Variants in PCDHA11 observed in about 807,000 individuals in gnomAD.
PCDHA11 encodes the protein protocadherin alpha-11.
PCDHA11 carries 61 observed loss-of-function variants against 70.3 expected under a neutral mutation model. The ratio of observed to expected loss-of-function variants is 0.87; its 90% CI spans 0.71 to 1.07. The LOEUF (loss-of-function observed/expected upper bound fraction) is 1.07, where lower values mean the gene tolerates loss of function less well. Ranked by LOEUF, PCDHA11 falls within the 50% of genes least tolerant of loss-of-function variation. The pLI, the probability that PCDHA11 is intolerant of heterozygous loss-of-function variation, is 0.00. For synonymous variants in PCDHA11, 633 were observed against 555.1 expected, an observed-to-expected ratio of 1.14 and a Z score of -1.97; for missense variants, 1,324 against 1,237.5, an observed-to-expected ratio of 1.07 and a Z score of -1.05.
chr5:140,876,834 G>C (rs1481867678), intron 1 of PCDHA11: 2 of 1,614,042 alleles, frequency 1.2e-6, no homozygotes, highest in Non-Finnish European at 1.7e-6. Context: ...ATGCGCCTGC[G>C]TTCGCGCAGC....
At chr5:140,993,031 C>T (rs186292405) in intron 3 of PCDHA11, among the ~76,000 whole-genome samples, 19 of 152,274 alleles carry the variant, frequency 1.2e-4, no homozygotes, top group Non-Finnish European at 1.8e-4. Context: ...CTGTGGGCTC[C>T]GTGTGTCATC....
At position 140,870,848 on chromosome 5, in the gene PCDHA11, G is replaced by C. The variant is rs368769297; in HGVS notation, c.1745G>C (p.Arg582Pro). The C allele has an allele frequency of 2.2e-5, 35 of 1,613,876 alleles. No homozygotes were observed. In the African/African-American group the frequency reaches 3.3e-4, roughly 15 times the overall value. ...GGCGCAGTTAACAAGCTAGTACCGCGGTCGGTGGGTGCGGGCCACGTGGTG... is the reference window on the plus strand; with the variant it reads ...GGCGCAGTTAACAAGCTAGTACCGCCGTCGGTGGGTGCGGGCCACGTGGTG... ...AGGAVNKLVP[R>P]SVGAGHVVAK... The change falls in exon 1 of 4, where the codon CGG becomes CCG. Residue 582 changes from arginine to proline, a missense_variant. By Grantham distance (103) the Arg-to-Pro change is moderately radical. Transcript: ENST00000398640.
At chr5:140,943,479 TAATA>T (rs1447671932) in intron 1 of PCDHA11, among the ~76,000 whole-genome samples, 1 of 151,960 alleles carries the variant, frequency 6.6e-6, no homozygotes, top group African/African-American at 2.4e-5. Context: ...TACAGTAAAA[TAATA>T]AATAGATGCT....
At chr5:140,885,798 T>C (rs1269362409) in intron 1 of PCDHA11, among the ~76,000 whole-genome samples, 1 of 152,186 alleles carries the variant, frequency 6.6e-6, no homozygotes, top group East Asian at 1.9e-4. Context: ...TTGTCATATG[T>C]ATTTTGTTGA....
chr5:141,010,293 G>T lies in PCDHA11; in HGVS notation c.*356G>T. 6.5e-7 allele frequency: 1 copy of T among 1,549,794 alleles called. No homozygotes were observed. Among genetic ancestry groups the T allele is most frequent in the Non-Finnish European group, 8.7e-7 (1 of 1,146,454 alleles). On this transcript the variant is annotated 3_prime_UTR_variant, in exon 4 of 4. Coordinates refer to ENST00000398640, the MANE Select transcript of PCDHA11 (RefSeq NM_018902.5). ...ATCCTGTCTTGATGACACTTGCAGG[G>T]CAGGCTGAAAAGTTTTGAGATTGAG...
chr5:140,941,548 C>CTCG (rs1175641247), intron 1 of PCDHA11, among the ~76,000 whole-genome samples: 1 of 151,868 alleles, frequency 6.6e-6, no homozygotes, highest in Non-Finnish European at 1.5e-5. Context: ...AACTCCTGAC[C>CTCG]TCGTGATCCA....
chr5:140,998,569 GTT>G (rs71574497), intron 3 of PCDHA11, among the ~76,000 whole-genome samples: 14 of 149,410 alleles, frequency 9.4e-5, no homozygotes, highest in Admixed American at 6.7e-4. Flanking sequence ...TTGTAAATAA[GTT>G]TTTTTTTTTT....
chr5:140,943,493 T>C (rs2093505211), intron 1 of PCDHA11, among the ~76,000 whole-genome samples: 1 of 152,118 alleles, frequency 6.6e-6, no homozygotes, highest in Non-Finnish European at 1.5e-5. Context: ...AAATAGATGC[T>C]ATCAAGGTTC....
At chr5:140,886,852 G>T (rs1554182787) in intron 1 of PCDHA11, among the ~76,000 whole-genome samples, 1 of 146,470 alleles carries the variant, frequency 6.8e-6, no homozygotes, top group Non-Finnish European at 1.5e-5. Flanking sequence ...AAAAAAGAAA[G>T]GTCTTCCCAA....
At chr5:140,885,917 T>G (rs2060772831) in intron 1 of PCDHA11, among the ~76,000 whole-genome samples, 1 of 152,212 alleles carries the variant, frequency 6.6e-6, no homozygotes, top group Non-Finnish European at 1.5e-5. Flanking sequence ...TTATAGATAT[T>G]AACTGTTTAT....
chr5:140,896,465 C>A (rs967658819), intron 1 of PCDHA11, among the ~76,000 whole-genome samples: 2 of 151,988 alleles, frequency 1.3e-5, no homozygotes, highest in Non-Finnish European at 2.9e-5. Flanking sequence ...TGGGTTCAAG[C>A]GGTTCTCCTG....
chr5:140,921,732 A>G lies in PCDHA11; in HGVS notation c.2391+50238A>G, dbSNP rs1345229893. 2.0e-5 allele frequency among the ~76,000 whole-genome samples: 3 copies of G among 152,206 alleles called. No individual in the cohort carries two copies. In the East Asian group the frequency reaches 5.8e-4, roughly 29 times the overall value. ...AAACACACGAATTACTCCCATAAAA[A>G]TTATAAGCATAACAGGACACTTCTT... is the stretch of plus-strand genomic sequence containing the variant. On this transcript the variant is annotated intron_variant, in intron 1 of 3. Coordinates refer to ENST00000398640, the MANE Select transcript of PCDHA11 (RefSeq NM_018902.5).
chr5:140,884,116 C>T (rs1554181240), intron 1 of PCDHA11: 2 of 1,613,304 alleles, frequency 1.2e-6, no homozygotes, highest in South Asian at 2.2e-5. Context: ...TGGCGGCGGT[C>T]GGCGCGCGCA....
chr5:140,882,071 A>T (rs2058936449), intron 1 of PCDHA11: 4 of 864,074 alleles, frequency 4.6e-6, no homozygotes, highest in Admixed American at 2.9e-5. Context: ...GTTCATGCGC[A>T]TGGTGTCGCT....
intron 1 of PCDHA11, among the ~76,000 whole-genome samples, chr5:140,893,163 T>C (rs557235731): frequency 6.6e-6 from 1 of 152,354 alleles, no homozygotes; most frequent in African/African-American, 2.4e-5. Flanking sequence ...GATATTGAGG[T>C]TGATTCCACA....
chr5:141,000,399 A>C (rs77386673), intron 3 of PCDHA11, among the ~76,000 whole-genome samples: 2,158 of 66,344 alleles, frequency 0.033, 38 homozygotes, highest in Non-Finnish European at 0.044. Context: ...CTCTCTCTAT[A>C]TATATATATA....
chr5:140,982,441 T>G (rs368663739), intron 2 of PCDHA11, 34 bp from the exon 3 acceptor site: 18 of 1,613,728 alleles, frequency 1.1e-5, no homozygotes, highest in Non-Finnish European at 1.5e-5. Flanking sequence ...GAATTTATGA[T>G]CTAACCGTTA....
At chr5:140,905,197 T>A (rs2071673542) in intron 1 of PCDHA11, among the ~76,000 whole-genome samples, 1 of 152,220 alleles carries the variant, frequency 6.6e-6, no homozygotes. Flanking sequence ...TTGATCCATC[T>A]TGAGTTGATT....
chr5:140,937,521 G>A (rs1244752316), intron 1 of PCDHA11, among the ~76,000 whole-genome samples: 1 of 152,106 alleles, frequency 6.6e-6, no homozygotes, highest in Non-Finnish European at 1.5e-5. Context: ...GGAGGCTGAG[G>A]CAGGAGAATT....
Sources: allele counts gnomAD v4.1 joint callset (sites outside exome capture counted in the v4.1 genomes callset), GRCh38; gene constraint gnomAD v4.1.1; transcripts MANE v1.5; gene names NCBI Gene and HGNC (gene_info 2026-07-23, HGNC 2026-07-21).